Variants in PTPRK observed in about 807,000 individuals in gnomAD.
PTPRK encodes protein tyrosine phosphatase receptor type K.
In PTPRK, 75 loss-of-function variants were observed where a neutral mutation model predicts 178.0. The ratio of observed to expected loss-of-function variants is 0.42; its 90% CI spans 0.35 to 0.51. The LOEUF (loss-of-function observed/expected upper bound fraction) is 0.51. PTPRK is among the 20% of genes least tolerant of loss of function. The probability of loss-of-function intolerance (pLI) is 0.02; values close to 1 mark genes in which losing one functional copy is unlikely to be tolerated. For missense variants in PTPRK, 1,441 were observed against 1,797.8 expected (o/e 0.80, Z 3.59); for synonymous variants, 637 against 620.6 (o/e 1.03, Z -0.39).
intron 28 of PTPRK, 29 bp downstream of exon 28, chr6:127,973,635 T>G (rs1332000252): frequency 2.9e-5 from 46 of 1,609,082 alleles, no homozygotes; most frequent in Non-Finnish European, 3.7e-5. Flanking sequence ...CAAGGCCCCA[T>G]GAATGACAGG....
intron 2 of PTPRK, among the ~76,000 whole-genome samples, chr6:128,389,819 G>T (rs1839303421): frequency 6.6e-6 from 1 of 151,864 alleles, no homozygotes; most frequent in Non-Finnish European, 1.5e-5. Context: ...TTATGTACCT[G>T]AAATATCAGG....
chr6:128,036,982 T>C (rs1776338000), intron 13 of PTPRK, among the ~76,000 whole-genome samples: 1 of 152,172 alleles, frequency 6.6e-6, no homozygotes, highest in South Asian at 2.1e-4. Context: ...TTTGCCTGCC[T>C]TGGCCTCCCA....
chr6:128,241,058 T>C (rs1814334519), intron 4 of PTPRK, among the ~76,000 whole-genome samples: 2 of 152,288 alleles, frequency 1.3e-5, no homozygotes, highest in Middle Eastern at 6.8e-3. Flanking sequence ...AAATAAACAG[T>C]AGATAAAAAC....
At chr6:128,483,965 G>A (rs554694403) in intron 1 of PTPRK, among the ~76,000 whole-genome samples, 1 of 151,946 alleles carries the variant, frequency 6.6e-6, no homozygotes, top group Admixed American at 6.6e-5. Flanking sequence ...TAATTTCCAG[G>A]GTCAGTCATT....
chr6:128,152,527 G>A (rs570025093), intron 7 of PTPRK, among the ~76,000 whole-genome samples: 1 of 150,430 alleles, frequency 6.6e-6, no homozygotes, highest in Non-Finnish European at 1.5e-5. Context: ...AGAGACTGAG[G>A]AATTGGGTTT....
chr6:128,079,372 C>T (rs1784403983), intron 10 of PTPRK, among the ~76,000 whole-genome samples: 1 of 151,964 alleles, frequency 6.6e-6, no homozygotes, highest in African/African-American at 2.4e-5. Flanking sequence ...TGTAGAAAGA[C>T]ACAGTACTCT....
intron 15 of PTPRK, 61 bp downstream of exon 15, chr6:128,005,023 G>T: frequency 7.0e-7 from 1 of 1,427,028 alleles, no homozygotes; most frequent in Non-Finnish European, 9.6e-7. Flanking sequence ...AAGGTATCGT[G>T]TAGAATTCAA....
chr6:128,006,680 T>G (rs1473146290), intron 14 of PTPRK, among the ~76,000 whole-genome samples: 3 of 151,062 alleles, frequency 2.0e-5, no homozygotes, highest in Non-Finnish European at 4.5e-5. Flanking sequence ...AATTTCAAAT[T>G]TATGTTTGAG....
intron 3 of PTPRK, among the ~76,000 whole-genome samples, chr6:128,303,934 C>T (rs1462085112): frequency 4.6e-5 from 7 of 152,136 alleles, no homozygotes; most frequent in Admixed American, 2.0e-4. Flanking sequence ...GTTTACCCTA[C>T]GAAGACAAAA....
At chr6:128,357,463 G>C (rs1159291592) in intron 2 of PTPRK, among the ~76,000 whole-genome samples, 1 of 152,188 alleles carries the variant, frequency 6.6e-6, no homozygotes, top group East Asian at 1.9e-4. Flanking sequence ...GGGCAAGAAA[G>C]GCAGGAGCAG....
chr6:128,452,383 C>T (rs1847904933), intron 1 of PTPRK, among the ~76,000 whole-genome samples: 1 of 152,100 alleles, frequency 6.6e-6, no homozygotes, highest in Admixed American at 6.6e-5. Flanking sequence ...TGTGTCTTCC[C>T]TTCCAAATGG....
chr6:128,105,354 T>C (rs1447917402), intron 7 of PTPRK, among the ~76,000 whole-genome samples: 8 of 152,176 alleles, frequency 5.3e-5, no homozygotes, highest in Middle Eastern at 3.4e-3. Flanking sequence ...AGGATGGTCT[T>C]GATCTCCTGA....
At chr6:128,160,298 T>A (rs1401677703) in intron 7 of PTPRK, among the ~76,000 whole-genome samples, 1 of 151,656 alleles carries the variant, frequency 6.6e-6, no homozygotes, top group Non-Finnish European at 1.5e-5. Context: ...TACACATACA[T>A]AAACAGATAC....
At chr6:128,320,729 C>A (rs894890191) in intron 3 of PTPRK, among the ~76,000 whole-genome samples, 1 of 152,022 alleles carries the variant, frequency 6.6e-6, no homozygotes, top group Non-Finnish European at 1.5e-5. Context: ...AGCCATCAAC[C>A]CACTTTTGTC....
intron 2 of PTPRK, among the ~76,000 whole-genome samples, chr6:128,391,302 T>C (rs1890543): frequency 0.97 from 147,633 of 152,172 alleles, 71,752 homozygotes; most frequent in East Asian, 1. Context: ...CCTCTCCCCA[T>C]TACCACCAAA....
intron 13 of PTPRK, among the ~76,000 whole-genome samples, chr6:128,044,842 T>C (rs1215058339): frequency 1.3e-5 from 2 of 151,882 alleles, no homozygotes; most frequent in Non-Finnish European, 2.9e-5. Flanking sequence ...TGTGTGTGTA[T>C]ATATATATAG....
intron 2 of PTPRK, among the ~76,000 whole-genome samples, chr6:128,369,335 A>C (rs2128347696): frequency 6.6e-6 from 1 of 152,274 alleles, no homozygotes; most frequent in South Asian, 2.1e-4. Context: ...GTTTAAAGGC[A>C]GGGAACCCCA....
chr6:128,432,989 G>T, intron 1 of PTPRK, among the ~76,000 whole-genome samples: 1 of 150,820 alleles, frequency 6.6e-6, no homozygotes, highest in African/African-American at 2.4e-5. Flanking sequence ...TTAACTATTT[G>T]TATCAATACA....
In PTPRK at chr6:128,362,160, T is replaced by C. The variant is rs552296409; in HGVS notation, c.223+35406A>G. Among the ~76,000 whole-genome samples, 5 of 152,310 alleles carry C rather than the reference T, an allele frequency of 3.3e-5. No individual in the cohort carries two copies. The East Asian group carries it at 9.6e-4, about 29-fold the overall frequency. On this transcript the variant is annotated intron_variant, in intron 2 of 29. Transcript: ENST00000368226. Reference sequence around the variant, plus strand: ...GTGCTGAGCATGTCTGCTGGGCTTCTGGTGAGGCCTCAGAGAGCTTTTACT... The same window carrying C: ...GTGCTGAGCATGTCTGCTGGGCTTCCGGTGAGGCCTCAGAGAGCTTTTACT...
Sources: gnomAD v4.1 joint callset for allele counts (sites outside exome capture counted in the v4.1 genomes callset) on GRCh38, gnomAD v4.1.1 for gene constraint, MANE v1.5 for transcripts, NCBI Gene and HGNC (gene_info 2026-07-23, HGNC 2026-07-21) for gene names.